The following MAOB variants were observed in gnomAD, a reference collection of about 807,000 sequenced individuals.
The protein encoded by MAOB is amine oxidase [flavin-containing] B.
A neutral mutation model predicts 41.9 loss-of-function variants in MAOB; 15 were observed. The observed-to-expected ratio is 0.36, with a 90% confidence interval of 0.24 to 0.55. MAOB has a LOEUF of 0.55. MAOB is among the 20% of genes least tolerant of loss of function. The pLI is 0.86. For missense variants in MAOB, 345 were observed against 398.7 expected, an observed-to-expected ratio of 0.87 and a Z score of 1.15; for synonymous variants, 167 against 144.2, an observed-to-expected ratio of 1.16 and a Z score of -1.13.
chrX:43,814,920 A>G (rs2034790507), intron 3 of MAOB, among the ~76,000 whole-genome samples: 1 of 112,119 alleles, frequency 8.9e-6, no homozygotes, highest in Admixed American at 9.5e-5. Context: ...TCCTCCCTCA[A>G]AGACCTGTCT....
intron 12 of MAOB, among the ~76,000 whole-genome samples, chrX:43,773,628 T>A (rs780578117): frequency 7.1e-5 from 8 of 112,741 alleles, no homozygotes; most frequent in Non-Finnish European, 1.5e-4. Flanking sequence ...TCATGTGTTG[T>A]GGGAGGGACC....
chrX:43,800,489 G>T (rs908746955), intron 5 of MAOB, among the ~76,000 whole-genome samples: 4 of 111,261 alleles, frequency 3.6e-5, no homozygotes, highest in Admixed American at 9.6e-5. Flanking sequence ...ATGTTTAAAA[G>T]AATATAATTA....
intron 1 of MAOB, among the ~76,000 whole-genome samples, chrX:43,868,106 C>T (rs981881546): frequency 9.8e-5 from 11 of 112,003 alleles, no homozygotes; most frequent in Non-Finnish European, 3.8e-5. Context: ...AACCTACAGA[C>T]TCCTTTCAAA....
At chrX:43,786,286 A>C (rs186281531) in intron 8 of MAOB, among the ~76,000 whole-genome samples, 5 of 112,139 alleles carry the variant, frequency 4.5e-5, no homozygotes, top group African/African-American at 1.3e-4. Context: ...CTCAGCGGCA[A>C]ATGTTGTATA....
intron 8 of MAOB, among the ~76,000 whole-genome samples, chrX:43,786,589 G>A (rs62589716): frequency 1.7e-4 from 19 of 111,778 alleles, no homozygotes; most frequent in Non-Finnish European, 3.2e-4. Context: ...AGAGCTCAAG[G>A]TTTAAAAATA....
In MAOB at chrX:43,767,481, T is replaced by C; in HGVS notation, c.1548A>G (p.Leu516=). The change falls in exon 15 of 15, where the codon CTA becomes CTG. Residue 516 remains leucine, a synonymous_variant. Coordinates refer to ENST00000378069, the MANE Select transcript of MAOB (RefSeq NM_000898.5). ...ALGFLAHKRG[L]LVRV is the part of the protein sequence containing the mutation. ...CCCTCTCTCTTTAGACTCTCACAAGTAGCCCCCTTTTGTGGGCCAGGAAGC... is the reference window on the plus strand; with the variant it reads ...CCCTCTCTCTTTAGACTCTCACAAGCAGCCCCCTTTTGTGGGCCAGGAAGC... 1.7e-6 allele frequency: 2 copies of C among 1,209,880 alleles called. No homozygotes were observed. The highest frequency in any genetic ancestry group is 2.2e-6 in the Non-Finnish European group (2 of 894,726).
intron 12 of MAOB, among the ~76,000 whole-genome samples, chrX:43,769,776 A>G (rs764422419): frequency 9.0e-6 from 1 of 111,141 alleles, no homozygotes; most frequent in Non-Finnish European, 1.9e-5. Flanking sequence ...CATGCCCCCA[A>G]TTCCCCACTG....
At chrX:43,839,962 G>A (rs988602297) in intron 2 of MAOB, among the ~76,000 whole-genome samples, 5 of 112,229 alleles carry the variant, frequency 4.5e-5, no homozygotes, top group Non-Finnish European at 9.4e-5. Flanking sequence ...TGTGGAACAG[G>A]TAAGTGGTAT....
rs1601958629 is a variant in MAOB at position 43,767,757 on chromosome X, A to G, written c.1411-139T>C. The G allele has an allele frequency of 4.4e-5, 22 of 500,671 alleles. No homozygotes were observed. In the East Asian group the frequency reaches 7.7e-4, roughly 18 times the overall value. The allele number at this position is 500,671 out of a possible 1,213,427, so 41.3% of individuals were successfully genotyped here. On this transcript the variant is annotated intron_variant, in intron 14 of 14. Coordinates refer to ENST00000378069, the MANE Select transcript of MAOB (RefSeq NM_000898.5). ...TAAACACGATGTTCCCTCTGCTTAT[A>G]CTGTTTACCCTGTCTTCCTCACTGG...
chrX:43,808,633 C>CATCTCTATCTATATCTAT (rs2034698520), intron 3 of MAOB, among the ~76,000 whole-genome samples: 1 of 89,146 alleles, frequency 1.1e-5, no homozygotes, highest in African/African-American at 4.3e-5. Context: ...GCATCCTGCA[C>CATCTCTATCTATATCTAT]ATCTATATCT....
chrX:43,843,366 C>T (rs1228046085), intron 2 of MAOB, among the ~76,000 whole-genome samples: 9 of 75,062 alleles, frequency 1.2e-4, no homozygotes, highest in African/African-American at 6.1e-4. Flanking sequence ...CTCACACACA[C>T]ACACACACAC....
In MAOB at chrX:43,787,304, A is replaced by G. The variant is rs188764888; in HGVS notation, c.929-5760T>C. ...CAGGAGCTTTGATGAGATGATAATA[A>G]CATTCATCTGGATGAATAACTGAAG... On this transcript the variant is annotated intron_variant, in intron 8 of 14. Coordinates refer to ENST00000378069, the MANE Select transcript of MAOB (RefSeq NM_000898.5). 5.8e-3 allele frequency among the ~76,000 whole-genome samples: 649 copies of G among 111,828 alleles called. 3 individuals are homozygous for G. Among genetic ancestry groups the G allele is most frequent in the African/African-American group, 0.02 (608 of 30,740 alleles).
intron 3 of MAOB, among the ~76,000 whole-genome samples, chrX:43,815,770 A>G (rs1246019455): frequency 8.9e-6 from 1 of 111,998 alleles, no homozygotes; most frequent in Admixed American, 9.5e-5. Context: ...TGCTAATGGT[A>G]GTGTAATATA....
chrX:43,780,283 G>A, intron 10 of MAOB, 59 bp downstream of exon 10: 1 of 930,752 alleles, frequency 1.1e-6, no homozygotes, highest in Non-Finnish European at 1.5e-6. Context: ...AAGGGAGGGA[G>A]GGATGGAGTG....
intron 1 of MAOB, among the ~76,000 whole-genome samples, chrX:43,846,750 A>T (rs928023001): frequency 1.8e-5 from 2 of 112,090 alleles, no homozygotes; most frequent in African/African-American, 6.5e-5. Flanking sequence ...CTGCTCAAGG[A>T]CTAAGCAAAC....
At chrX:43,810,198 G>A (rs1053750186) in intron 3 of MAOB, among the ~76,000 whole-genome samples, 1 of 82,580 alleles carries the variant, frequency 1.2e-5, no homozygotes, top group East Asian at 3.6e-4. Context: ...AGCCGAGATC[G>A]CGCCACTGCA....
At chrX:43,770,548 C>T (rs1394942904) in intron 12 of MAOB, among the ~76,000 whole-genome samples, 1 of 111,959 alleles carries the variant, frequency 8.9e-6, no homozygotes, top group African/African-American at 3.2e-5. Flanking sequence ...CTGGAACCTA[C>T]AGTCTTAACC....
intron 3 of MAOB, among the ~76,000 whole-genome samples, chrX:43,821,535 G>T (rs2034881112): frequency 9.0e-6 from 1 of 111,721 alleles, no homozygotes; most frequent in African/African-American, 3.3e-5. Flanking sequence ...GTAATGAGAA[G>T]ATGGAAAAGT....
At chrX:43,850,127 T>A (rs2035240148) in intron 1 of MAOB, among the ~76,000 whole-genome samples, 1 of 111,916 alleles carries the variant, frequency 8.9e-6, no homozygotes, top group Admixed American at 9.5e-5. Flanking sequence ...AAGGGTTTGC[T>A]CACAGTTATA....
Sources: allele counts gnomAD v4.1 joint callset (sites outside exome capture counted in the v4.1 genomes callset), GRCh38; gene constraint gnomAD v4.1.1; transcripts MANE v1.5; gene names NCBI Gene and HGNC (gene_info 2026-07-23, HGNC 2026-07-21).